IER3IP1: variants seen among roughly 807,000 people sequenced by gnomAD.
IER3IP1 encodes the protein immediate early response 3 interacting protein 1, also known as immediate early response 3-interacting protein 1.
IER3IP1 carries 16 observed loss-of-function variants against 12.2 expected under a neutral mutation model. The ratio of observed to expected loss-of-function variants is 1.31; its 90% CI spans 0.89 to 1.99. The LOEUF (loss-of-function observed/expected upper bound fraction) is 1.99. Among genes scored for constraint, IER3IP1 ranks in the 30% most tolerant of loss-of-function variants. The pLI is 0.00. For synonymous variants in IER3IP1, 42 were observed against 40.0 expected (o/e 1.05, Z -0.19); for missense variants, 95 against 95.8 (o/e 0.99, Z 0.03).
At chr18:47,162,960 A>C (rs1342430152) in intron 1 of IER3IP1, among the ~76,000 whole-genome samples, 2 of 152,100 alleles carry the variant, frequency 1.3e-5, no homozygotes, top group African/African-American at 4.8e-5. Flanking sequence ...TGCTGATATA[A>C]CCAATAATTG....
chr18:47,168,473 A>C (rs59217333), intron 1 of IER3IP1, among the ~76,000 whole-genome samples: 7,990 of 152,254 alleles, frequency 0.052, 257 homozygotes, highest in East Asian at 0.092. Flanking sequence ...GAAGATAGCA[A>C]TATAGATTAG....
Position 47,156,330 on chromosome 18 carries a change from C to T in IER3IP1, c.194-98G>A, listed in dbSNP as rs371374064. The T allele has an allele frequency of 1.4e-4, 103 of 718,028 alleles. 1 individual carries two copies. The highest frequency in any genetic ancestry group is 1.2e-3 in the East Asian group (48 of 40,048). The allele number at this position is 718,028 out of a possible 1,614,324, so 44.5% of individuals were successfully genotyped here. On this transcript the variant is annotated intron_variant, in intron 2 of 2. Coordinates refer to ENST00000256433, the MANE Select transcript of IER3IP1 (RefSeq NM_016097.5). ...CTCCAGGAACAATAGAAATATCTAACAATATGTCATCATAATCATGTTGTA... is the reference window on the plus strand; with the variant it reads ...CTCCAGGAACAATAGAAATATCTAATAATATGTCATCATAATCATGTTGTA...
chr18:47,164,529 G>A (rs1452507225), intron 1 of IER3IP1, among the ~76,000 whole-genome samples: 2 of 151,272 alleles, frequency 1.3e-5, no homozygotes, highest in Non-Finnish European at 2.9e-5. Flanking sequence ...AGATTTGGCC[G>A]GGTGTGGTGG....
At chr18:47,169,873 G>A (rs1436495309) in intron 1 of IER3IP1, among the ~76,000 whole-genome samples, 1 of 152,082 alleles carries the variant, frequency 6.6e-6, no homozygotes, top group Admixed American at 6.5e-5. Context: ...TACCTGAGTT[G>A]TAAATATTTT....
At chr18:47,157,118 A>C (rs921973941) in intron 2 of IER3IP1, 1 of 330,110 alleles carries the variant, frequency 3.0e-6, no homozygotes, top group Admixed American at 4.7e-5. Flanking sequence ...CCAATACTGT[A>C]TGTGATTTTA....
At chr18:47,157,902 A>G (rs1292763609) in intron 1 of IER3IP1, among the ~76,000 whole-genome samples, 1 of 152,214 alleles carries the variant, frequency 6.6e-6, no homozygotes, top group Non-Finnish European at 1.5e-5. Context: ...CAAGCTATAT[A>G]ATTATTATAA....
At chr18:47,161,872 A>C (rs763709400) in intron 1 of IER3IP1, among the ~76,000 whole-genome samples, 2 of 151,634 alleles carry the variant, frequency 1.3e-5, no homozygotes, top group African/African-American at 4.8e-5. Flanking sequence ...GATGGCCCCA[A>C]CTGGGGATGA....
chr18:47,170,089 G>A (rs899055503), intron 1 of IER3IP1, among the ~76,000 whole-genome samples: 37 of 152,074 alleles, frequency 2.4e-4, no homozygotes, highest in Admixed American at 2.4e-3. Context: ...CTATGATTAT[G>A]AGTTAATTTT....
Position 47,152,842 on chromosome 18 carries a change from A to T in IER3IP1, c.*3335T>A, listed in dbSNP as rs1055283431. 1 of 152,248 alleles carries T rather than the reference A, an allele frequency of 6.6e-6. No individual in the cohort carries two copies. Among genetic ancestry groups the T allele is most frequent in the African/African-American group, 2.4e-5 (1 of 41,458 alleles). 9.4% of individuals were successfully genotyped at this position (152,248 alleles called of 1,614,324 possible). A position where few individuals can be genotyped will look rare whatever the true frequency, so the allele number is the denominator to read the frequency against. Reference sequence around the variant, plus strand: ...AATCAATGAGAAAGTGATTTGCTTCATAAGAAACATTTTACTTAAGGAGAA... The same window carrying T: ...AATCAATGAGAAAGTGATTTGCTTCTTAAGAAACATTTTACTTAAGGAGAA... On this transcript the variant is annotated 3_prime_UTR_variant, in exon 3 of 3. Coordinates refer to ENST00000256433, the MANE Select transcript of IER3IP1 (RefSeq NM_016097.5).
intron 1 of IER3IP1, among the ~76,000 whole-genome samples, chr18:47,171,186 G>A (rs1289257318): frequency 6.6e-6 from 1 of 152,058 alleles, no homozygotes; most frequent in Non-Finnish European, 1.5e-5. Context: ...ATTTTCAAAT[G>A]TTAAACCAAT....
chr18:47,171,866 C>G (rs988142173), intron 1 of IER3IP1, among the ~76,000 whole-genome samples: 1 of 151,948 alleles, frequency 6.6e-6, no homozygotes, highest in African/African-American at 2.4e-5. Flanking sequence ...GATCTCAGCT[C>G]ACTCCAACCT....
At chr18:47,166,530 G>T (rs1457066090) in intron 1 of IER3IP1, among the ~76,000 whole-genome samples, 1 of 152,150 alleles carries the variant, frequency 6.6e-6, no homozygotes, top group African/African-American at 2.4e-5. Context: ...TACTGGGGAA[G>T]GATAAAAGAG....
intron 1 of IER3IP1, among the ~76,000 whole-genome samples, chr18:47,158,046 A>G (rs2063967193): frequency 6.6e-6 from 1 of 152,238 alleles, no homozygotes; most frequent in Non-Finnish European, 1.5e-5. Context: ...TCATAATACC[A>G]AAATACACAA....
intron 1 of IER3IP1, among the ~76,000 whole-genome samples, chr18:47,159,373 C>A (rs1183855570): frequency 2.0e-5 from 3 of 152,178 alleles, no homozygotes; most frequent in African/African-American, 7.2e-5. Context: ...AAGAACCTTT[C>A]TTTATTTACT....
chr18:47,156,759 C>A (rs867758263), intron 2 of IER3IP1: 2 of 150,342 alleles, frequency 1.3e-5, no homozygotes, highest in African/African-American at 2.5e-5. Flanking sequence ...ATGACAGATA[C>A]GAAATCTCTA....
At chr18:47,169,224 TTAATA>T (rs2064007217) in intron 1 of IER3IP1, among the ~76,000 whole-genome samples, 1 of 152,242 alleles carries the variant, frequency 6.6e-6, no homozygotes, top group Admixed American at 6.5e-5. Context: ...CTTCTTTCAC[TTAATA>T]TAATGATTTC....
intron 1 of IER3IP1, among the ~76,000 whole-genome samples, chr18:47,165,435 C>T (rs2144431575): frequency 6.6e-6 from 1 of 152,068 alleles, no homozygotes; most frequent in East Asian, 1.9e-4. Context: ...TGCCTGTAAT[C>T]TCAGCTACAT....
chr18:47,166,699 T>C (rs2063997001), intron 1 of IER3IP1, among the ~76,000 whole-genome samples: 1 of 152,138 alleles, frequency 6.6e-6, no homozygotes. Flanking sequence ...GGAGGCAGGA[T>C]GACCAGTAAG....
chr18:47,167,312 A>G (rs1369913652), intron 1 of IER3IP1, among the ~76,000 whole-genome samples: 1 of 152,136 alleles, frequency 6.6e-6, no homozygotes, highest in Non-Finnish European at 1.5e-5. Flanking sequence ...CAGCCTCCCA[A>G]AAGGCTGGGA....
Sources: allele counts gnomAD v4.1 joint callset (sites outside exome capture counted in the v4.1 genomes callset), GRCh38; gene constraint gnomAD v4.1.1; transcripts MANE v1.5; gene names NCBI Gene and HGNC (gene_info 2026-07-23, HGNC 2026-07-21).